P4HA1: variants seen among roughly 807,000 people sequenced by gnomAD.
P4HA1 encodes the protein prolyl 4-hydroxylase subunit alpha 1.
P4HA1 carries 24 observed loss-of-function variants against 72.8 expected under a neutral mutation model. The observed-to-expected ratio is 0.33, with a 90% CI of 0.24 to 0.46. The LOEUF is 0.46. Among genes scored for constraint, P4HA1 ranks in the 20% least tolerant of loss-of-function variants. P4HA1 has a pLI of 1.00. For synonymous variants in P4HA1, 201 were observed against 218.8 expected (o/e 0.92, Z 0.72); for missense variants, 446 against 640.6 (o/e 0.70, Z 3.28).
intron 5 of P4HA1, 120 bp from the exon 6 acceptor site, chr10:73,053,710 A>G (rs966381809): frequency 2.6e-6 from 2 of 773,576 alleles, no homozygotes; most frequent in African/African-American, 1.7e-5. Context: ...AATCCTCTGG[A>G]TGAGCAAAAA....
intron 1 of P4HA1, among the ~76,000 whole-genome samples, chr10:73,094,967 TC>T (rs1487414017): frequency 2.6e-5 from 4 of 152,126 alleles, no homozygotes; most frequent in Non-Finnish European, 5.9e-5. Flanking sequence ...AAAATAAAAC[TC>T]ATTTCAAAAT....
chr10:73,036,651 A>T (rs569053457), intron 9 of P4HA1, among the ~76,000 whole-genome samples: 2 of 151,368 alleles, frequency 1.3e-5, no homozygotes. Context: ...ACCTGCCTTG[A>T]CCTCCCAAAG....
chr10:73,023,713 A>T (rs1293162651), intron 10 of P4HA1, among the ~76,000 whole-genome samples: 1 of 151,966 alleles, frequency 6.6e-6, no homozygotes, highest in Non-Finnish European at 1.5e-5. Flanking sequence ...AATTGGATAA[A>T]GAGTCAAGAC....
rs772513716 is a variant in P4HA1, at chr10:73,042,970, TTTTA to T, written c.1148+2007_1148+2010del. On this transcript the variant is annotated intron_variant, in intron 9 of 14. Coordinates refer to ENST00000394890, the MANE Select transcript of P4HA1 (RefSeq NM_001017962.3). ...TGACACATTTTTATGCCTGAAAATC[TTTTA>T]TTTATCACATTATACTTATCTATAT... Among the ~76,000 whole-genome samples, 325 of 152,298 alleles carry T rather than the reference TTTTA, an allele frequency of 2.1e-3. 1 individual carries two copies. The highest frequency in any genetic ancestry group is 5.5e-3 in the African/African-American group (229 of 41,582).
At chr10:73,030,809 C>G (rs946702300) in intron 9 of P4HA1, among the ~76,000 whole-genome samples, 15 of 152,110 alleles carry the variant, frequency 9.9e-5, no homozygotes, top group African/African-American at 3.6e-4. Flanking sequence ...AAAAATTCTG[C>G]TTACTGCTTA....
intron 7 of P4HA1, among the ~76,000 whole-genome samples, chr10:73,048,054 AAAAAC>A (rs372853907): frequency 2.0e-5 from 3 of 152,156 alleles, no homozygotes; most frequent in African/African-American, 7.2e-5. Context: ...GCTGTCTCAA[AAAAAC>A]AAAACAAAAC....
At chr10:73,018,134 C>T (rs575098049) in intron 10 of P4HA1, among the ~76,000 whole-genome samples, 1 of 152,306 alleles carries the variant, frequency 6.6e-6, no homozygotes, top group South Asian at 2.1e-4. Flanking sequence ...GCTCTACCCA[C>T]CCCTCCCCCA....
chr10:73,071,035 A>C (rs763645541), intron 4 of P4HA1, among the ~76,000 whole-genome samples: 11 of 151,926 alleles, frequency 7.2e-5, no homozygotes, highest in Non-Finnish European at 1.5e-4. Flanking sequence ...AAAATTTTTA[A>C]ATTGGCCTGG....
At chr10:73,051,278 TG>T (rs1291797006) in intron 6 of P4HA1, 29 bp from the exon 7 acceptor site, 1 of 1,255,000 alleles carries the variant, frequency 8.0e-7, no homozygotes, top group African/African-American at 1.5e-5. Context: ...AGCATGTCCA[TG>T]GGTAAGTTCA....
At chr10:73,072,589 C>T (rs1427788242) in intron 3 of P4HA1, among the ~76,000 whole-genome samples, 1 of 152,162 alleles carries the variant, frequency 6.6e-6, no homozygotes, top group Non-Finnish European at 1.5e-5. Flanking sequence ...ATTTTTACAT[C>T]CAGTTTCTAG....
intron 10 of P4HA1, among the ~76,000 whole-genome samples, chr10:73,017,268 T>C (rs1358747762): frequency 2.7e-5 from 4 of 150,546 alleles, no homozygotes; most frequent in Non-Finnish European, 5.9e-5. Flanking sequence ...TATATAGATA[T>C]CTATATCTCT....
intron 12 of P4HA1, 143 bp downstream of exon 12, chr10:73,014,081 A>G (rs79748043): frequency 4.8e-6 from 3 of 620,906 alleles, no homozygotes; most frequent in Non-Finnish European, 8.4e-6. Context: ...GCAAGTGCAA[A>G]ATAATTCTTA....
At chr10:73,054,313 T>C (rs764478899) in intron 5 of P4HA1, among the ~76,000 whole-genome samples, 2 of 152,224 alleles carry the variant, frequency 1.3e-5, no homozygotes, top group African/African-American at 2.4e-5. Flanking sequence ...TTAAACAGCA[T>C]TAATATGTCA....
intron 5 of P4HA1, among the ~76,000 whole-genome samples, chr10:73,067,016 C>T (rs1230215486): frequency 6.6e-6 from 1 of 152,088 alleles, no homozygotes; most frequent in Non-Finnish European, 1.5e-5. Flanking sequence ...TACAAGCAAG[C>T]ACCACAACAC....
At chr10:73,014,131 C>A in intron 12 of P4HA1, 93 bp downstream of exon 12, 1 of 835,538 alleles carries the variant, frequency 1.2e-6, no homozygotes, top group Non-Finnish European at 2.0e-6. Context: ...AACTAGGATG[C>A]TGAATCAGAG....
rs563914337 is a variant in P4HA1, at chr10:73,034,153, G to A, written c.1149-3783C>T. 1.2e-4 allele frequency among the ~76,000 whole-genome samples: 19 copies of A among 152,274 alleles called. No individual in the cohort carries two copies. In the East Asian group the frequency reaches 3.5e-3, roughly 28 times the overall value. ...TACTTAAGCCCAGGAGTTCAAGGAT[G>A]CAGGGAGCTACAATCACACCACTGC... On this transcript the variant is annotated intron_variant, in intron 9 of 14. Transcript: ENST00000394890.
At chr10:73,070,675 T>C (rs955031777) in intron 4 of P4HA1, among the ~76,000 whole-genome samples, 20 of 152,086 alleles carry the variant, frequency 1.3e-4, no homozygotes, top group African/African-American at 4.8e-4. Flanking sequence ...GCAATCTCTA[T>C]ATGGAATTTT....
intron 5 of P4HA1, among the ~76,000 whole-genome samples, chr10:73,068,130 T>C (rs140675114): frequency 5.9e-4 from 90 of 152,328 alleles, no homozygotes; most frequent in African/African-American, 2.0e-3. Context: ...TATTATACCA[T>C]GTTTAGTTTT....
intron 1 of P4HA1, among the ~76,000 whole-genome samples, chr10:73,080,713 G>T (rs1841803046): frequency 6.6e-6 from 1 of 152,130 alleles, no homozygotes; most frequent in Non-Finnish European, 1.5e-5. Flanking sequence ...GATTGCTTGA[G>T]GTCAGGAGTT....
Sources: allele counts gnomAD v4.1 joint callset (sites outside exome capture counted in the v4.1 genomes callset), GRCh38; gene constraint gnomAD v4.1.1; transcripts MANE v1.5; gene names NCBI Gene and HGNC (gene_info 2026-07-23, HGNC 2026-07-21).